STX8: variants seen among roughly 807,000 people sequenced by gnomAD.
STX8 encodes syntaxin-8.
In STX8, 23 loss-of-function variants were observed where a neutral mutation model predicts 37.5. The observed-to-expected ratio is 0.61, with a 90% CI of 0.44 to 0.87. The LOEUF is 0.87. Ranked by LOEUF, STX8 falls within the 40% of genes least tolerant of loss-of-function variation. The probability of loss-of-function intolerance (pLI) is 0.00; values close to 1 mark genes in which losing one functional copy is unlikely to be tolerated. For missense variants in STX8, 313 were observed against 284.7 expected, an observed-to-expected ratio of 1.10 and a Z score of -0.71; for synonymous variants, 115 against 99.1, an observed-to-expected ratio of 1.16 and a Z score of -0.95.
chr17:9,342,751 G>A (rs1329890244), intron 7 of STX8, among the ~76,000 whole-genome samples: 11 of 152,144 alleles, frequency 7.2e-5, no homozygotes, highest in South Asian at 2.1e-4. Flanking sequence ...GGCCGGGCGC[G>A]GTGGCTCACG....
chr17:9,537,952 G>C (rs1352895427), intron 4 of STX8, among the ~76,000 whole-genome samples: 2 of 152,142 alleles, frequency 1.3e-5, no homozygotes, highest in African/African-American at 4.8e-5. Flanking sequence ...ACTGCAAAAA[G>C]TAGGTGCTTT....
chr17:9,273,683 G>C (rs1907553204), intron 7 of STX8, among the ~76,000 whole-genome samples: 1 of 152,266 alleles, frequency 6.6e-6, no homozygotes, highest in African/African-American at 2.4e-5. Context: ...ACAGTTTGCT[G>C]ATGATTTCAA....
chr17:9,373,939 A>T (rs1044006749), intron 7 of STX8, among the ~76,000 whole-genome samples: 2 of 105,328 alleles, frequency 1.9e-5, no homozygotes, highest in African/African-American at 1.7e-4. Flanking sequence ...AACTCTATCT[A>T]AAAAAAAAAA....
intron 7 of STX8, among the ~76,000 whole-genome samples, chr17:9,373,938 TA>T (rs76173982): frequency 0.021 from 2,183 of 105,284 alleles, 17 homozygotes; most frequent in Non-Finnish European, 0.023. Flanking sequence ...GAACTCTATC[TA>T]AAAAAAAAAA....
chr17:9,487,026 G>A (rs141757423), intron 6 of STX8, among the ~76,000 whole-genome samples: 3 of 152,232 alleles, frequency 2.0e-5, no homozygotes, highest in African/African-American at 7.2e-5. Flanking sequence ...GGCCATTAGG[G>A]TCTGTCATCA....
At chr17:9,428,442 G>C (rs558810558) in intron 6 of STX8, among the ~76,000 whole-genome samples, 1 of 152,118 alleles carries the variant, frequency 6.6e-6, no homozygotes, top group African/African-American at 2.4e-5. Flanking sequence ...GGGTTTCACC[G>C]TGTTAGCCAG....
intron 5 of STX8, among the ~76,000 whole-genome samples, chr17:9,499,090 G>T (rs1397770275): frequency 1.3e-5 from 2 of 152,172 alleles, no homozygotes; most frequent in Non-Finnish European, 2.9e-5. Flanking sequence ...GGCATTCCCT[G>T]CCCTTCAGTC....
At chr17:9,361,607 A>G (rs1421060732) in intron 7 of STX8, among the ~76,000 whole-genome samples, 1 of 152,252 alleles carries the variant, frequency 6.6e-6, no homozygotes, top group Non-Finnish European at 1.5e-5. Flanking sequence ...GCAAGGTATT[A>G]ATTATTATAA....
At chr17:9,526,873 AAAAC>A (rs1172179693) in intron 4 of STX8, among the ~76,000 whole-genome samples, 1 of 151,826 alleles carries the variant, frequency 6.6e-6, no homozygotes, top group Admixed American at 6.6e-5. Context: ...CAAAAAAACA[AAAAC>A]AAAAAAAAAG....
intron 6 of STX8, among the ~76,000 whole-genome samples, chr17:9,438,356 G>A (rs1904515471): frequency 7.0e-6 from 1 of 143,522 alleles, no homozygotes; most frequent in African/African-American, 2.6e-5. Context: ...ATGCAAGTGT[G>A]CGCCAAGGAC....
intron 7 of STX8, among the ~76,000 whole-genome samples, chr17:9,272,715 C>T (rs927759696): frequency 2.5e-4 from 38 of 152,194 alleles, no homozygotes; most frequent in African/African-American, 9.2e-4. Context: ...CCTTATGGTC[C>T]TTACATTCTT....
intron 7 of STX8, among the ~76,000 whole-genome samples, chr17:9,301,656 T>G (rs1385876357): frequency 1.4e-5 from 2 of 143,178 alleles, no homozygotes; most frequent in African/African-American, 2.8e-5. Context: ...CCATTTTTGT[T>G]TTTTTTTTTG....
At chr17:9,464,565 C>T (rs1339771673) in intron 6 of STX8, among the ~76,000 whole-genome samples, 1 of 152,106 alleles carries the variant, frequency 6.6e-6, no homozygotes, top group Non-Finnish European at 1.5e-5. Context: ...TTCTGCAGGG[C>T]TCTATGTGCT....
chr17:9,495,640 G>A (rs1017404200), intron 5 of STX8, among the ~76,000 whole-genome samples: 3 of 152,188 alleles, frequency 2.0e-5, no homozygotes, highest in Non-Finnish European at 4.4e-5. Flanking sequence ...AGAACTAAAA[G>A]TTCTGTTCCC....
At chr17:9,475,552 G>A (rs543163481) in intron 6 of STX8, among the ~76,000 whole-genome samples, 2 of 152,272 alleles carry the variant, frequency 1.3e-5, no homozygotes, top group African/African-American at 4.8e-5. Flanking sequence ...CCCCCAGCTG[G>A]AACCCCCGGA....
chr17:9,298,729 T>C (rs1048391539), intron 7 of STX8, among the ~76,000 whole-genome samples: 8 of 152,124 alleles, frequency 5.3e-5, no homozygotes, highest in African/African-American at 1.9e-4. Context: ...GAAGAATTGC[T>C]TGAAACCAGA....
chr17:9,483,812 T>C (rs976078591), intron 6 of STX8, among the ~76,000 whole-genome samples: 1 of 152,146 alleles, frequency 6.6e-6, no homozygotes, highest in Non-Finnish European at 1.5e-5. Flanking sequence ...AGAGAGGAGA[T>C]GCACGCCTGG....
chr17:9,484,719 C>A (rs540216970), intron 6 of STX8, among the ~76,000 whole-genome samples: 3 of 151,356 alleles, frequency 2.0e-5, no homozygotes, highest in East Asian at 3.9e-4. Flanking sequence ...CCCAGCTACT[C>A]GGGAGGCTGA....
chr17:9,344,699 C>T (rs912090710), intron 7 of STX8, among the ~76,000 whole-genome samples: 5 of 152,148 alleles, frequency 3.3e-5, no homozygotes, highest in African/African-American at 1.2e-4. Context: ...CCACCCACAC[C>T]CCCAACTCAG....
Sources: allele counts gnomAD v4.1 joint callset (sites outside exome capture counted in the v4.1 genomes callset), GRCh38; gene constraint gnomAD v4.1.1; transcripts MANE v1.5; gene names NCBI Gene and HGNC (gene_info 2026-07-23, HGNC 2026-07-21).